Variants in PAN2 observed in about 807,000 individuals in gnomAD.
PAN2 encodes PAN2-PAN3 deadenylation complex catalytic subunit PAN2.
Under a neutral mutation model 133.3 loss-of-function variants are expected in PAN2, and 68 were observed. That is an observed-to-expected ratio of 0.51 (90% CI 0.42 to 0.62). The LOEUF (loss-of-function observed/expected upper bound fraction) is 0.62, where lower values mean the gene tolerates loss of function less well. Ranked by LOEUF, PAN2 falls within the 20% of genes least tolerant of loss-of-function variation. The pLI is 0.00. For missense variants in PAN2, 1,042 were observed against 1,500.5 expected, an observed-to-expected ratio of 0.69 and a Z score of 5.05; for synonymous variants, 462 against 544.6, an observed-to-expected ratio of 0.85 and a Z score of 2.11.
In PAN2 at chr12:56,322,743, C is replaced by T. The variant is rs1441437616; in HGVS notation, c.2509G>A (p.Ala837Thr). ...GDEMQWGPARAEEEHGVYVYD... is the reference protein window; with the variant it reads ...GDEMQWGPARTEEEHGVYVYD... ...ACATAGACACCATGCTCCTCCTCTG[C>T]CCTGGCTGGGCCCCACTGTGAGGGG... Residue 837 changes from alanine (A) to threonine (T), a missense_variant, in exon 18 of 26, where the codon GCA (alanine) becomes ACA (threonine). By Grantham distance (58) the Ala-to-Thr change is moderately conservative. This residue lies in a region of PAN2 where 908 missense variants were observed against 1,223.5 expected (regional missense o/e 0.74). Transcript: ENST00000440411. 1 of 1,613,352 alleles carries T rather than the reference C, an allele frequency of 6.2e-7. No individual in the cohort carries two copies. The highest frequency in any genetic ancestry group is 8.5e-7 in the Non-Finnish European group (1 of 1,179,870).
Position 56,323,043 on chromosome 12 carries a change from T to C in PAN2, c.2493+19A>G, listed in dbSNP as rs752502898. 3.7e-6 allele frequency: 6 copies of C among 1,613,506 alleles called. No individual in the cohort carries two copies. The highest frequency in any genetic ancestry group is 5.1e-6 in the Non-Finnish European group (6 of 1,179,982). On this transcript the variant is annotated intron_variant, in intron 17 of 25. Transcript: ENST00000440411. ...CTTCTCTCCCTTATTCCCTTTCCTC[T>C]TCCCGGTTTTTCAACAACCTGCATC... is the stretch of plus-strand genomic sequence containing the variant.
At position 56,324,501 on chromosome 12, in the gene PAN2, T is replaced by C; in HGVS notation, c.1729-8A>G. On this transcript the variant is annotated splice_region_variant and splice_polypyrimidine_tract_variant and intron_variant, in intron 11 of 25. Transcript: ENST00000440411. ...CCGAAGAAAATTATTGCCCTGGAAA[T>C]GTGTTGGTGGAAAGGGGTTATTTTG... 1.2e-6 allele frequency: 2 copies of C among 1,612,912 alleles called. No homozygotes were observed. The highest frequency in any genetic ancestry group is 1.7e-6 in the Non-Finnish European group (2 of 1,179,138).
rs905364394 is a variant in PAN2, at chr12:56,322,462, C to A, written c.2658G>T (p.Trp886Cys). 1.9e-6 allele frequency: 3 copies of A among 1,613,878 alleles called. No homozygotes were observed. Among genetic ancestry groups the A allele is most frequent in the South Asian group, 1.1e-5 (1 of 91,076 alleles). Reference sequence around the variant, plus strand: ...CAATAAGAAAGTCATTGAACAGATACCACTGCTGGTGAGTAACGCCCTATG... The same window carrying A: ...CAATAAGAAAGTCATTGAACAGATAACACTGCTGGTGAGTAACGCCCTATG... ...QRKEGVTHQQ[W>C]YLFNDFLIEP... The change falls in exon 19 of 26, where the codon TGG becomes TGT. Residue 886 changes from tryptophan (W) to cysteine (C), a missense_variant. Around this residue, in one of 3 missense-constraint regions of PAN2, gnomAD observed 908 missense variants for 1,223.5 expected, o/e 0.74. Transcript: ENST00000440411.
intron 6 of PAN2, 49 bp from the exon 7 acceptor site, chr12:56,327,008 C>G: frequency 1.4e-6 from 2 of 1,472,038 alleles, no homozygotes; most frequent in Non-Finnish European, 1.9e-6. Flanking sequence ...GAAAGGGAGC[C>G]ATATTCTTAT....
At chr12:56,327,012 T>A in intron 6 of PAN2, 53 bp from the exon 7 acceptor site, 1 of 1,427,416 alleles carries the variant, frequency 7.0e-7, no homozygotes, top group Non-Finnish European at 9.7e-7. Context: ...GGGAGCCATA[T>A]TCTTATGCCC....
chr12:56,327,071 T>G (rs1307492680), intron 6 of PAN2, 112 bp from the exon 7 acceptor site: 6 of 923,058 alleles, frequency 6.5e-6, no homozygotes, highest in Non-Finnish European at 9.7e-6. Flanking sequence ...CCCAAATCCA[T>G]GCCTAGAGAC....
Position 56,319,823 on chromosome 12 carries a change from A to G in PAN2, c.2946+41T>C, listed in dbSNP as rs1874281697. 1 of 1,613,750 alleles carries G rather than the reference A, an allele frequency of 6.2e-7. No individual in the cohort carries two copies. The highest frequency in any genetic ancestry group is 8.5e-7 in the Non-Finnish European group (1 of 1,179,740). On this transcript the variant is annotated intron_variant, in intron 21 of 25. Transcript: ENST00000440411. The surrounding 1 kb of genome is among the most constrained non-coding windows in gnomAD (Gnocchi z 5.4). ...AATGCTTACAACTCCTAATATCCTCAGCGTTCTCTTCCAATGCCCCATCCC... is the reference window on the plus strand; with the variant it reads ...AATGCTTACAACTCCTAATATCCTCGGCGTTCTCTTCCAATGCCCCATCCC...
intron 2 of PAN2, among the ~76,000 whole-genome samples, chr12:56,332,516 G>A (rs1876011572): frequency 6.6e-6 from 1 of 150,522 alleles, no homozygotes; most frequent in South Asian, 2.1e-4. Context: ...GATTGTGTGA[G>A]CCCAGGAGAT....
At chr12:56,332,625 G>T in intron 2 of PAN2, 188 bp downstream of exon 2, 5 of 527,564 alleles carry the variant, frequency 9.5e-6, no homozygotes, top group South Asian at 2.6e-5. Flanking sequence ...AAAAAGGGAT[G>T]CCTCCTGAGA....
chr12:56,322,569 C>G lies in PAN2; in HGVS notation c.2637+46G>C, dbSNP rs756069188. ...GACTCAAGGACAGATCTGGGACTCA[C>G]TGTGGCCATCCCAGGAGTGTTCCTG... On this transcript the variant is annotated intron_variant, in intron 18 of 25. Transcript: ENST00000440411. The G allele has an allele frequency of 1.3e-5, 21 of 1,612,724 alleles. 1 individual carries two copies. In the East Asian group the frequency reaches 4.7e-4, roughly 36 times the overall value.
intron 17 of PAN2, 39 bp from the exon 18 acceptor site, chr12:56,322,797 G>A: frequency 1.9e-6 from 3 of 1,594,778 alleles, no homozygotes; most frequent in Non-Finnish European, 2.6e-6. Flanking sequence ...CTAAGTTTAA[G>A]GATGGGGAAG....
At position 56,325,145 on chromosome 12, in the gene PAN2, C is replaced by A; in HGVS notation, c.1480-17G>T. On this transcript the variant is annotated splice_polypyrimidine_tract_variant and intron_variant, in intron 9 of 25. Transcript: ENST00000440411. ...GATGGTCACCTAAGGTAGAAATTGT[C>A]TGAGCAAGACAAGGATATTCTCAGA... 1 of 1,612,250 alleles carries A rather than the reference C, an allele frequency of 6.2e-7. No individual in the cohort carries two copies.
intron 10 of PAN2, 103 bp downstream of exon 10, chr12:56,324,906 A>G: frequency 6.9e-7 from 1 of 1,449,862 alleles, no homozygotes; most frequent in Non-Finnish European, 9.4e-7. Context: ...GACCATGGTA[A>G]AGAGAACACG....
In PAN2 at chr12:56,322,597, C is replaced by G; in HGVS notation, c.2637+18G>C. On this transcript the variant is annotated intron_variant, in intron 18 of 25. Coordinates refer to ENST00000440411, the MANE Select transcript of PAN2 (RefSeq NM_014871.6). ...TGGCCATCCCAGGAGTGTTCCTGCCCTCTACAACCTCACTCACCTCCTTGC... is the reference window on the plus strand; with the variant it reads ...TGGCCATCCCAGGAGTGTTCCTGCCGTCTACAACCTCACTCACCTCCTTGC... 16 of 1,614,004 alleles carry G rather than the reference C, an allele frequency of 9.9e-6. No individual in the cohort carries two copies. Among genetic ancestry groups the G allele is most frequent in the Non-Finnish European group, 1.4e-5 (16 of 1,179,900 alleles).
rs1874043048 is a variant in PAN2 at position 56,317,511 on chromosome 12, G to A, written c.*98C>T. ...CTAGACCCTGAGCACGTCCAGTACT[G>A]GAAGTGGACAAGGTATAGCCAACTT... On this transcript the variant is annotated 3_prime_UTR_variant, in exon 26 of 26. Coordinates refer to ENST00000440411, the MANE Select transcript of PAN2 (RefSeq NM_014871.6). 11 of 946,658 alleles carry A rather than the reference G, an allele frequency of 1.2e-5. No homozygotes were observed. 58.6% of individuals were successfully genotyped at this position (946,658 alleles called of 1,614,324 possible).
chr12:56,321,727 T>A (rs1025864107), intron 20 of PAN2, among the ~76,000 whole-genome samples: 6 of 151,216 alleles, frequency 4.0e-5, no homozygotes, highest in Admixed American at 1.3e-4. Flanking sequence ...GGTGGGCGTC[T>A]GTAATCCCAG....
chr12:56,322,898 C>G, intron 17 of PAN2, 140 bp from the exon 18 acceptor site: 4 of 1,252,880 alleles, frequency 3.2e-6, no homozygotes, highest in Non-Finnish European at 4.5e-6. Context: ...ATCTAGGACC[C>G]CAACACTGAA....
chr12:56,325,153 G>A, intron 9 of PAN2, 25 bp from the exon 10 acceptor site: 1 of 1,610,746 alleles, frequency 6.2e-7, no homozygotes, highest in South Asian at 1.1e-5. Context: ...GTCTGAGCAA[G>A]ACAAGGATAT....
intron 2 of PAN2, among the ~76,000 whole-genome samples, chr12:56,331,708 T>TG (rs55880196): frequency 2.6e-4 from 34 of 130,930 alleles, no homozygotes; most frequent in Middle Eastern, 3.9e-3. Flanking sequence ...GCGTTTTTTT[T>TG]TTTTTTGTTT....
Sources: allele counts gnomAD v4.1 joint callset (sites outside exome capture counted in the v4.1 genomes callset), GRCh38; gene constraint gnomAD v4.1.1; regional missense constraint gnomAD v4.1.1; non-coding constraint Gnocchi (gnomAD v3.1); transcripts MANE v1.5; gene names NCBI Gene and HGNC (gene_info 2026-07-23, HGNC 2026-07-21).